Variants in CELSR3 observed in about 807,000 individuals in gnomAD.
CELSR3 encodes the protein EGF-like protein 1.
Under a neutral mutation model 270.0 loss-of-function variants are expected in CELSR3, and 73 were observed. The observed-to-expected ratio is 0.27, with a 90% CI of 0.22 to 0.33. CELSR3 has a LOEUF of 0.33. Among genes scored for constraint, CELSR3 ranks in the 10% least tolerant of loss-of-function variants. The pLI is 1.00. For missense variants in CELSR3, 3,614 were observed against 4,533.8 expected (o/e 0.80, Z 5.83); for synonymous variants, 1,780 against 1,905.4 (o/e 0.93, Z 1.71).
rs199681435 is a variant in CELSR3, at chr3:48,653,915, G to A, written c.5241C>T (p.Asp1747=). 151 of 1,613,682 alleles carry A rather than the reference G, an allele frequency of 9.4e-5. 2 individuals carry two copies. The highest frequency in any genetic ancestry group is 7.4e-4 in the South Asian group (67 of 91,090). Residue 1747 remains aspartate, a synonymous_variant, in exon 8 of 35, where the codon GAC becomes GAT. Coordinates refer to ENST00000164024, the MANE Select transcript of CELSR3 (RefSeq NM_001407.3). This position sits in a 1 kb window ranked among gnomAD's most constrained non-coding sequence, Gnocchi z 6.5. ...CSERWGSFSC[D]CPVGFGGKDC... Reference sequence around the variant, plus strand: ...CTTTGCCGCCGAAGCCCACAGGGCAGTCGCAGCTGAAGCTGCCCCAGCGCT... The same window carrying A: ...CTTTGCCGCCGAAGCCCACAGGGCAATCGCAGCTGAAGCTGCCCCAGCGCT...
At position 48,644,270 on chromosome 3, in the gene CELSR3, G is replaced by A. The variant is rs2047058217; in HGVS notation, c.8111C>T (p.Ala2704Val). 1.9e-6 allele frequency: 3 copies of A among 1,613,108 alleles called. No individual in the cohort carries two copies. In the Admixed American group the frequency reaches 5.0e-5, roughly 27 times the overall value. ...IVMNGTMFLLAARTSCSTGQR... is the reference protein window; with the variant it reads ...IVMNGTMFLLVARTSCSTGQR... Reference sequence around the variant, plus strand: ...CCCTGTGGAGCAGGATGTGCGGGCAGCGAGGAGAAACATGGTCCCGTTCAT... The same window carrying A: ...CCCTGTGGAGCAGGATGTGCGGGCAACGAGGAGAAACATGGTCCCGTTCAT... Residue 2704 changes from alanine to valine, a missense_variant, in exon 27 of 35, where the codon GCT (alanine) becomes GTT (valine). Physicochemically the swap from Ala to Val is moderately conservative, Grantham distance 64. Coordinates refer to ENST00000164024, the MANE Select transcript of CELSR3 (RefSeq NM_001407.3). This position sits in a 1 kb window ranked among gnomAD's most constrained non-coding sequence, Gnocchi z 4.8.
chr3:48,648,710 C>T lies in CELSR3; in HGVS notation c.6777+9G>A, dbSNP rs749678810. 1.9e-6 allele frequency: 3 copies of T among 1,608,006 alleles called. No individual in the cohort carries two copies. Among genetic ancestry groups the T allele is most frequent in the Non-Finnish European group, 2.5e-6 (3 of 1,179,474 alleles). On this transcript the variant is annotated intron_variant, in intron 18 of 34. Coordinates refer to ENST00000164024, the MANE Select transcript of CELSR3 (RefSeq NM_001407.3). ...GCCAAGGCACTGAGAACATAGGGCA[C>T]AGCCCCACCTCATTGAAGTGGGCAT... is the stretch of plus-strand genomic sequence containing the variant.
chr3:48,653,578 A>G lies in CELSR3; in HGVS notation c.5448+41T>C. On this transcript the variant is annotated intron_variant, in intron 9 of 34. Transcript: ENST00000164024. This position sits in a 1 kb window ranked among gnomAD's most constrained non-coding sequence, Gnocchi z 6.5. ...AAGAATGTCAGTGGCGGCCTAAGAG[A>G]CTGAGAACTGAGGGTATAGGGGTGA... 1 of 1,593,572 alleles carries G rather than the reference A, an allele frequency of 6.3e-7. No individual in the cohort carries two copies. Among genetic ancestry groups the G allele is most frequent in the Non-Finnish European group, 8.6e-7 (1 of 1,165,736 alleles).
At position 48,645,054 on chromosome 3, in the gene CELSR3, G is replaced by A. The variant is rs760257509; in HGVS notation, c.7953C>T (p.Gly2651=). The change falls in exon 25 of 35, where the codon GGC becomes GGT. Residue 2651 remains glycine (G), a synonymous_variant. Coordinates refer to ENST00000164024, the MANE Select transcript of CELSR3 (RefSeq NM_001407.3). The surrounding 1 kb of genome is among the most constrained non-coding windows in gnomAD (Gnocchi z 5.4). ...CCTCACCCAGCAGCACAGCAGGGAC[G>A]CCCCAGCCCAGGGCATGGTAGAAGC... is the stretch of plus-strand genomic sequence containing the variant. The part of the protein sequence containing the change: ...AMRFYHALGW[G]VPAVLLGLAV... 3.0e-5 allele frequency: 47 copies of A among 1,588,116 alleles called. No homozygotes were observed. The highest frequency in any genetic ancestry group is 5.1e-5 in the Admixed American group (3 of 58,816).
In CELSR3 at chr3:48,661,946, G is replaced by C. The variant is rs776180435; in HGVS notation, c.689C>G (p.Pro230Arg). ...GGCCCCTGGAAGACAGTTCCGCCGG[G>C]GGGCTGTCCTTTCTGCTCCGGATGT... Reference protein sequence around the residue: ...ATTSGAERTAPRRNCLPGASG... With the variant: ...ATTSGAERTARRRNCLPGASG... Residue 230 changes from proline to arginine, a missense_variant, in exon 1 of 35, where the codon CCC becomes CGC. Pro to Arg is a moderately radical substitution (Grantham distance 103). Around this residue, in one of 7 missense-constraint regions of CELSR3, gnomAD observed 470 missense variants for 469.7 expected, o/e 1.00. Transcript: ENST00000164024. 6.2e-7 allele frequency: 1 copy of C among 1,613,622 alleles called. No individual in the cohort carries two copies. The highest frequency in any genetic ancestry group is 1.1e-5 in the South Asian group (1 of 91,090).
At position 48,654,007 on chromosome 3, in the gene CELSR3, G is replaced by C; in HGVS notation, c.5153-4C>G. 6.2e-7 allele frequency: 1 copy of C among 1,612,212 alleles called. No homozygotes were observed. Reference sequence around the variant, plus strand: ...AAGTGTAGCTTGGCTTGGCAGCCTGGGAGAGGAAAGCACATGGCGGACATG... The same window carrying C: ...AAGTGTAGCTTGGCTTGGCAGCCTGCGAGAGGAAAGCACATGGCGGACATG... On this transcript the variant is annotated splice_polypyrimidine_tract_variant and splice_region_variant and intron_variant, in intron 7 of 34. Transcript: ENST00000164024. This position sits in a 1 kb window ranked among gnomAD's most constrained non-coding sequence, Gnocchi z 5.4.
In CELSR3 at chr3:48,645,066, G is replaced by T. The variant is rs766479952; in HGVS notation, c.7941C>A (p.Ala2647=). The change falls in exon 25 of 35, where the codon GCC becomes GCA. Residue 2647 remains alanine, a synonymous_variant. Coordinates refer to ENST00000164024, the MANE Select transcript of CELSR3 (RefSeq NM_001407.3). The surrounding 1 kb of genome is among the most constrained non-coding windows in gnomAD (Gnocchi z 5.4). Reference sequence around the variant, plus strand: ...GCACAGCAGGGACGCCCCAGCCCAGGGCATGGTAGAAGCGCATGGCGCCGC... The same window carrying T: ...GCACAGCAGGGACGCCCCAGCCCAGTGCATGGTAGAAGCGCATGGCGCCGC... The part of the protein sequence containing the change: ...VDRGAMRFYH[A]LGWGVPAVLL... 1.3e-6 allele frequency: 2 copies of T among 1,596,762 alleles called. No homozygotes were observed. The highest frequency in any genetic ancestry group is 1.7e-6 in the Non-Finnish European group (2 of 1,167,834).
rs572059170 is a variant in CELSR3 at position 48,660,272 on chromosome 3, G to C, written c.2363C>G (p.Ala788Gly). The C allele has an allele frequency of 1.2e-6, 2 of 1,614,160 alleles. No individual in the cohort carries two copies. Among genetic ancestry groups the C allele is most frequent in the Admixed American group, 1.7e-5 (1 of 60,024 alleles). Residue 788 changes from alanine to glycine, a missense_variant, in exon 1 of 35, where the codon GCC (alanine) becomes GGC (glycine). Physicochemically the swap from Ala to Gly is moderately conservative, Grantham distance 60. This residue lies in a region of CELSR3 where 215 missense variants were observed against 241.2 expected (regional missense o/e 0.89). Transcript: ENST00000164024. This position sits in a 1 kb window ranked among gnomAD's most constrained non-coding sequence, Gnocchi z 5.5. ...GCCGCCTGTGATCTGGTAGCTGATG[G>C]CACTGTTGGCATCACGGTCTACTGC... ...VTAVDRDANS[A>G]ISYQITGGNT... is the part of the protein sequence containing the mutation.
rs199823601 is a variant in CELSR3 at position 48,653,674 on chromosome 3, G to A, written c.5393C>T (p.Thr1798Met). The A allele has an allele frequency of 5.3e-5, 85 of 1,614,162 alleles. 1 individual carries two copies. In the East Asian group the frequency reaches 1.2e-3, roughly 22 times the overall value. The change falls in exon 9 of 35, where the codon ACG becomes ATG. Residue 1798 changes from threonine (T) to methionine (M), a missense_variant. By Grantham distance (81) the Thr-to-Met change is moderately conservative. Transcript: ENST00000164024. This position sits in a 1 kb window ranked among gnomAD's most constrained non-coding sequence, Gnocchi z 6.5. ...YLGLAFRTRATQGVLMQVQAG... is the reference protein window; with the variant it reads ...YLGLAFRTRAMQGVLMQVQAG... ...CTGCACTTGCATCAGGACCCCCTGC[G>A]TTGCCCGTGTCCGAAATGCCAGCCC...
In CELSR3 at chr3:48,644,672, G is replaced by A; in HGVS notation, c.8085+44C>T. The A allele has an allele frequency of 2.0e-6, 3 of 1,483,480 alleles. No individual in the cohort carries two copies. Among genetic ancestry groups the A allele is most frequent in the African/African-American group, 1.4e-5 (1 of 72,276 alleles). 91.9% of individuals were successfully genotyped at this position (1,483,480 alleles called of 1,614,324 possible). A position where few individuals can be genotyped will look rare whatever the true frequency, so the allele number is the denominator to read the frequency against. On this transcript the variant is annotated intron_variant, in intron 26 of 34. Transcript: ENST00000164024. This position sits in a 1 kb window ranked among gnomAD's most constrained non-coding sequence, Gnocchi z 4.8. ...AGTCCACTGCACCTCCTCCCCCAAT[G>A]AGGGAGGGAAGTACAGAGGGGGCAC...
At position 48,655,355 on chromosome 3, in the gene CELSR3, C is replaced by A. The variant is rs2047171245; in HGVS notation, c.4781G>T (p.Gly1594Val). 1.2e-6 allele frequency: 2 copies of A among 1,614,102 alleles called. No individual in the cohort carries two copies. Among genetic ancestry groups the A allele is most frequent in the Non-Finnish European group, 1.7e-6 (2 of 1,179,992 alleles). ...TGTATGCCATTGCCCGTCACTCAAG[C>A]CCCCTGGAACTGTGGGGCTGACCAC... Reference protein sequence around the residue: ...NTVVSPTVPGGLSDGQWHTVH... With the variant: ...NTVVSPTVPGVLSDGQWHTVH... The change falls in exon 5 of 35, where the codon GGC (glycine) becomes GTC (valine). Residue 1594 changes from glycine (G) to valine (V), a missense_variant. Transcript: ENST00000164024. This position sits in a 1 kb window ranked among gnomAD's most constrained non-coding sequence, Gnocchi z 5.8.
chr3:48,649,062 G>A (rs2047113485), intron 17 of CELSR3, 59 bp downstream of exon 17: 2 of 1,550,372 alleles, frequency 1.3e-6, no homozygotes, highest in African/African-American at 2.7e-5. Context: ...GTGGTATCTG[G>A]GGCCCACCAC....
rs867120742 is a variant in CELSR3, at chr3:48,661,219, G to A, written c.1416C>T (p.Phe472=). The A allele has an allele frequency of 6.2e-7, 1 of 1,603,436 alleles. No homozygotes were observed. Among genetic ancestry groups the A allele is most frequent in the Non-Finnish European group, 8.5e-7 (1 of 1,174,430 alleles). Residue 472 remains phenylalanine, a synonymous_variant, in exon 1 of 35, where the codon TTC becomes TTT. Coordinates refer to ENST00000164024, the MANE Select transcript of CELSR3 (RefSeq NM_001407.3). ...APPNANLRYR[F]VGPPAARAAA... ...CAGCGCGCGCAGCTGGCGGCCCCAC[G>A]AAGCGGTAGCGCAGGTTGGCGTTGG...
At position 48,653,880 on chromosome 3, in the gene CELSR3, A is replaced by T; in HGVS notation, c.5276T>A (p.Leu1759His). ...TCTGCCCCATGCTGCCCACTTACTA[A>T]GCTGACAGTCTTTGCCGCCGAAGCC... ...PVGFGGKDCQ[L>H]TMAHPHHFRG... Residue 1759 changes from leucine to histidine, a missense_variant and splice_region_variant, in exon 8 of 35, where the codon CTT (leucine) becomes CAT (histidine). This residue lies in a region of CELSR3 where 1,331 missense variants were observed against 1,933.7 expected (regional missense o/e 0.69). Coordinates refer to ENST00000164024, the MANE Select transcript of CELSR3 (RefSeq NM_001407.3). The surrounding 1 kb of genome is among the most constrained non-coding windows in gnomAD (Gnocchi z 6.5). The T allele has an allele frequency of 6.2e-7, 1 of 1,613,654 alleles. No individual in the cohort carries two copies. Among genetic ancestry groups the T allele is most frequent in the Non-Finnish European group, 8.5e-7 (1 of 1,179,756 alleles).
In CELSR3 at chr3:48,652,046, C is replaced by T. The variant is rs1218409565; in HGVS notation, c.5754G>A (p.Gly1918=). 2 of 1,535,538 alleles carry T rather than the reference C, an allele frequency of 1.3e-6. No individual in the cohort carries two copies. Among genetic ancestry groups the T allele is most frequent in the African/African-American group, 1.4e-5 (1 of 71,940 alleles). The stretch of plus-strand genomic sequence containing the variant: ...CAGAGGGTGTGGAGCCGAGCCACAC[C>T]CCCTGTGGACACACAGCCAGCAAGG... ...APQGLVGCIQ[G]VWLGSTPSGS... is the part of the protein sequence containing the mutation. The change falls in exon 12 of 35, where the codon GGG becomes GGA. Residue 1918 remains glycine (G), a splice_region_variant and synonymous_variant. Transcript: ENST00000164024. This position sits in a 1 kb window ranked among gnomAD's most constrained non-coding sequence, Gnocchi z 4.3.
At position 48,659,317 on chromosome 3, in the gene CELSR3, G is replaced by A. The variant is rs149132560; in HGVS notation, c.3318C>T (p.Ile1106=). ...ACAGCTCAGGGATGTTCCCCTCCACGATCTGGTACATTATATGGGCATTGG... is the reference window on the plus strand; with the variant it reads ...ACAGCTCAGGGATGTTCCCCTCCACAATCTGGTACATTATATGGGCATTGG... ...EGPNAHIMYQ[I]VEGNIPELFQ... is the part of the protein sequence containing the mutation. Residue 1106 remains isoleucine (I), a synonymous_variant, in exon 1 of 35, where the codon ATC becomes ATT. Coordinates refer to ENST00000164024, the MANE Select transcript of CELSR3 (RefSeq NM_001407.3). This position sits in a 1 kb window ranked among gnomAD's most constrained non-coding sequence, Gnocchi z 8.1. 9.2e-4 allele frequency: 1,489 copies of A among 1,614,126 alleles called. 17 individuals are homozygous for A. The African/African-American group carries it at 0.017, about 18-fold the overall frequency.
Position 48,662,483 on chromosome 3 carries a change from C to T in CELSR3, c.152G>A (p.Gly51Glu), listed in dbSNP as rs1190352752. Residue 51 changes from glycine to glutamate, a missense_variant, in exon 1 of 35, where the codon GGG (glycine) becomes GAG (glutamate). Around this residue, in one of 7 missense-constraint regions of CELSR3, gnomAD observed 470 missense variants for 469.7 expected, o/e 1.00. Transcript: ENST00000164024. The surrounding 1 kb of genome is among the most constrained non-coding windows in gnomAD (Gnocchi z 7.1). ...TCCGCCACCGATATGCGCCCTTGGC[C>T]CCGTAGTGGCAGCTAAGCCTGGGTC... ...GWDPGLAATT[G>E]PRAHIGGGAL... The T allele has an allele frequency of 1.2e-6, 2 of 1,612,730 alleles. No homozygotes were observed. Among genetic ancestry groups the T allele is most frequent in the Non-Finnish European group, 1.7e-6 (2 of 1,179,856 alleles).
rs1575539679 is a variant in CELSR3 at position 48,645,061 on chromosome 3, C to G, written c.7946G>C (p.Gly2649Ala). ...RGAMRFYHALGWGVPAVLLGL... is the reference protein window; with the variant it reads ...RGAMRFYHALAWGVPAVLLGL... ...CAGCAGCACAGCAGGGACGCCCCAG[C>G]CCAGGGCATGGTAGAAGCGCATGGC... is the stretch of plus-strand genomic sequence containing the variant. The change falls in exon 25 of 35, where the codon GGC becomes GCC. Residue 2649 changes from glycine to alanine, a missense_variant. Coordinates refer to ENST00000164024, the MANE Select transcript of CELSR3 (RefSeq NM_001407.3). This position sits in a 1 kb window ranked among gnomAD's most constrained non-coding sequence, Gnocchi z 5.4. The G allele has an allele frequency of 3.1e-6, 5 of 1,593,946 alleles. No homozygotes were observed. The highest frequency in any genetic ancestry group is 4.3e-6 in the Non-Finnish European group (5 of 1,166,188).
At position 48,645,097 on chromosome 3, in the gene CELSR3, A is replaced by G; in HGVS notation, c.7910T>C (p.Val2637Ala). 1 of 1,604,488 alleles carries G rather than the reference A, an allele frequency of 6.2e-7. No homozygotes were observed. The highest frequency in any genetic ancestry group is 8.5e-7 in the Non-Finnish European group (1 of 1,173,160). The change falls in exon 25 of 35, where the codon GTG (valine) becomes GCG (alanine). Residue 2637 changes from valine to alanine, a missense_variant. By Grantham distance (64) the Val-to-Ala change is moderately conservative. This residue lies in a region of CELSR3 where 1,240 missense variants were observed against 1,351.7 expected (regional missense o/e 0.92). Coordinates refer to ENST00000164024, the MANE Select transcript of CELSR3 (RefSeq NM_001407.3). This position sits in a 1 kb window ranked among gnomAD's most constrained non-coding sequence, Gnocchi z 5.4. ...LYRMQVEPRN[V>A]DRGAMRFYHA... ...GTAGAAGCGCATGGCGCCGCGGTCCACGTTGCGTGGCTCAACCTGCATGCG... is the reference window on the plus strand; with the variant it reads ...GTAGAAGCGCATGGCGCCGCGGTCCGCGTTGCGTGGCTCAACCTGCATGCG...
Sources: allele counts gnomAD v4.1 joint callset, GRCh38; gene constraint gnomAD v4.1.1; regional missense constraint gnomAD v4.1.1; non-coding constraint Gnocchi (gnomAD v3.1); transcripts MANE v1.5; gene names NCBI Gene and HGNC (gene_info 2026-07-23, HGNC 2026-07-21).